SAMSN1: variants seen among roughly 807,000 people sequenced by gnomAD.
The protein encoded by SAMSN1 is SAM domain, SH3 domain and nuclear localization signals 1.
Under a neutral mutation model 42.0 loss-of-function variants are expected in SAMSN1, and 31 were observed. The observed-to-expected ratio is 0.74, with a 90% CI of 0.55 to 1.00. The LOEUF (loss-of-function observed/expected upper bound fraction) is 1.00, where lower values mean the gene tolerates loss of function less well. Ranked by LOEUF, SAMSN1 falls within the 50% of genes least tolerant of loss-of-function variation. The pLI is 0.00. For missense variants in SAMSN1, 464 were observed against 439.4 expected (o/e 1.06, Z -0.50); for synonymous variants, 178 against 151.9 (o/e 1.17, Z -1.26).
upstream of SAMSN1, among the ~76,000 whole-genome samples, chr21:14,547,239 C>A (rs1410980493): frequency 1.3e-5 from 2 of 152,084 alleles, no homozygotes; most frequent in East Asian, 1.9e-4. Context: ...TTAAACAGAA[C>A]CCCCAATTAA....
chr21:14,636,619 G>A (rs1983473656), intron 2 of SAMSN1, among the ~76,000 whole-genome samples: 1 of 152,138 alleles, frequency 6.6e-6, no homozygotes, highest in Non-Finnish European at 1.5e-5. Context: ...GAGGCAGGCG[G>A]ATCACGAGGT....
upstream of SAMSN1, chr21:14,546,420 T>C (rs529419479): frequency 4.0e-4 from 503 of 1,255,022 alleles, no homozygotes; most frequent in Non-Finnish European, 4.4e-4. Context: ...AACATTTACA[T>C]GGGTAATTTT....
At chr21:14,521,858 C>T (rs866574168) in intron 1 of SAMSN1, among the ~76,000 whole-genome samples, 2 of 148,882 alleles carry the variant, frequency 1.3e-5, no homozygotes, top group African/African-American at 2.5e-5. Context: ...ACATGTACCC[C>T]GAAAATTAAA....
At position 14,647,619 on chromosome 21, in the gene SAMSN1, C is replaced by G. The variant is rs1207662508; in HGVS notation, c.25-4486G>C. ...GATATTGATTCTTCCTAACCATGAG[C>G]ATGGAATGTTCTTCCATTTGTTTGT... On this transcript the variant is annotated intron_variant, in intron 1 of 15. Coordinates refer to the SAMSN1 transcript ENST00000647101. 2.2e-5 allele frequency among the ~76,000 whole-genome samples: 3 copies of G among 135,744 alleles called. No homozygotes were observed. In the Admixed American group the frequency reaches 2.3e-4, roughly 11 times the overall value. 89.1% of individuals were successfully genotyped at this position (135,744 alleles called of 152,430 possible).
intron 2 of SAMSN1, among the ~76,000 whole-genome samples, chr21:14,551,982 G>T (rs1444480214): frequency 6.6e-6 from 1 of 152,110 alleles, no homozygotes; most frequent in African/African-American, 2.4e-5. Context: ...GTTCGGGTCA[G>T]GAATGCTAAG....
chr21:14,520,478 C>G (rs2822718), intron 2 of SAMSN1, among the ~76,000 whole-genome samples: 41,181 of 152,080 alleles, frequency 0.27, 6,437 homozygotes, highest in Non-Finnish European at 0.34. Flanking sequence ...TTGTCAGTGT[C>G]AGTTTGAATT....
At chr21:14,558,341 CA>C (rs1171321913) in intron 2 of SAMSN1, among the ~76,000 whole-genome samples, 1 of 151,780 alleles carries the variant, frequency 6.6e-6, no homozygotes, top group Non-Finnish European at 1.5e-5. Flanking sequence ...GAAAAAAATC[CA>C]GCAAAAATTT....
At chr21:14,627,814 A>G (rs1646663246) in intron 2 of SAMSN1, among the ~76,000 whole-genome samples, 1 of 152,232 alleles carries the variant, frequency 6.6e-6, no homozygotes. Context: ...TAATTAATAG[A>G]AAGCTATTTC....
chr21:14,523,151 A>G (rs1169971457), intron 1 of SAMSN1: 1 of 152,098 alleles, frequency 6.6e-6, no homozygotes, highest in Non-Finnish European at 1.5e-5. Context: ...ATCACAGCCC[A>G]TTTTAGTACA....
At chr21:14,510,612 G>A in intron 4 of SAMSN1, 151 bp from the exon 5 acceptor site, 2 of 869,550 alleles carry the variant, frequency 2.3e-6, no homozygotes, top group South Asian at 3.2e-5. Context: ...CTGTCTTCCA[G>A]TTACTCTCCA....
intron 1 of SAMSN1, among the ~76,000 whole-genome samples, chr21:14,532,973 A>G (rs183826209): frequency 6.6e-6 from 1 of 152,158 alleles, no homozygotes; most frequent in African/African-American, 2.4e-5. Context: ...GAGTGCGGTG[A>G]TGTGATCATA....
chr21:14,490,636 G>T (rs376553942), intron 7 of SAMSN1, among the ~76,000 whole-genome samples: 12 of 152,214 alleles, frequency 7.9e-5, no homozygotes, highest in South Asian at 4.1e-4. Context: ...TGAATATTTG[G>T]TGTTCATTTC....
intron 2 of SAMSN1, among the ~76,000 whole-genome samples, chr21:14,581,178 A>C (rs972188402): frequency 6.6e-6 from 1 of 151,768 alleles, no homozygotes; most frequent in African/African-American, 2.4e-5. Context: ...GCCCTCGTAT[A>C]TGGAAAACAC....
chr21:14,583,639 T>C (rs546753491), upstream of SAMSN1: 460 of 717,050 alleles, frequency 6.4e-4, 4 homozygotes, highest in South Asian at 5.4e-3. Flanking sequence ...GCTTATTGAG[T>C]TCTTACTTAC....
At chr21:14,537,705 G>GT (rs200548299) in intron 1 of SAMSN1, among the ~76,000 whole-genome samples, 22 of 150,838 alleles carry the variant, frequency 1.5e-4, no homozygotes, top group African/African-American at 2.4e-4. Context: ...CCAATCATCA[G>GT]TTTTTTTTTT....
intron 5 of SAMSN1, among the ~76,000 whole-genome samples, chr21:14,502,622 G>A (rs1255261592): frequency 1.3e-5 from 2 of 152,218 alleles, no homozygotes; most frequent in South Asian, 2.1e-4. Flanking sequence ...GGTATTGTAC[G>A]GAAGTTGAAA....
chr21:14,583,177 T>C (rs1405820324), intron 1 of SAMSN1: 1 of 152,684 alleles, frequency 6.5e-6, no homozygotes, highest in East Asian at 1.9e-4. Context: ...TAGAAATATA[T>C]ATCACCCAGA....
At chr21:14,623,055 C>T (rs1442823066) in intron 2 of SAMSN1, among the ~76,000 whole-genome samples, 3 of 152,156 alleles carry the variant, frequency 2.0e-5, no homozygotes, top group Non-Finnish European at 2.9e-5. Context: ...AAATCCTTTA[C>T]AGACAAGCAA....
At chr21:14,520,281 G>A (rs1978369525) in intron 2 of SAMSN1, among the ~76,000 whole-genome samples, 1 of 152,166 alleles carries the variant, frequency 6.6e-6, no homozygotes, top group African/African-American at 2.4e-5. Flanking sequence ...CAATTGAGCA[G>A]CTGTATGCTC....
Sources: gnomAD v4.1 joint callset for allele counts (sites outside exome capture counted in the v4.1 genomes callset) on GRCh38, gnomAD v4.1.1 for gene constraint, MANE v1.5 for transcripts, NCBI Gene and HGNC (gene_info 2026-07-23, HGNC 2026-07-21) for gene names.